The following UTP18 variants were observed in gnomAD, a reference collection of about 807,000 sequenced individuals.
The protein encoded by UTP18 is U3 small nucleolar RNA-associated protein 18 homolog.
In UTP18, 36 loss-of-function variants were observed where a neutral mutation model predicts 61.1. That is an observed-to-expected ratio of 0.59 (90% CI 0.45 to 0.78). UTP18 has a LOEUF of 0.78. Among genes scored for constraint, UTP18 ranks in the 30% least tolerant of loss-of-function variants. The pLI is 0.00. For synonymous variants in UTP18, 282 were observed against 251.1 expected (o/e 1.12, Z -1.16); for missense variants, 753 against 693.9 (o/e 1.09, Z -0.96).
At chr17:51,297,242 C>A (rs1905391183) in intron 13 of UTP18, among the ~76,000 whole-genome samples, 1 of 152,140 alleles carries the variant, frequency 6.6e-6, no homozygotes, top group Non-Finnish European at 1.5e-5. Flanking sequence ...TCTAATGTTG[C>A]ATTCAATAAT....
intron 11 of UTP18, among the ~76,000 whole-genome samples, chr17:51,289,723 C>A (rs932745691): frequency 4.6e-5 from 7 of 152,188 alleles, no homozygotes; most frequent in Non-Finnish European, 1.0e-4. Flanking sequence ...TATGTGTGTA[C>A]TACCAGATTG....
intron 5 of UTP18, among the ~76,000 whole-genome samples, chr17:51,275,605 G>C (rs1164113087): frequency 6.6e-6 from 1 of 152,188 alleles, no homozygotes; most frequent in African/African-American, 2.4e-5. Context: ...CAGACTTCTA[G>C]ATATGGAAAG....
intron 2 of UTP18, among the ~76,000 whole-genome samples, chr17:51,263,840 A>G (rs924808597): frequency 6.6e-6 from 1 of 152,182 alleles, no homozygotes; most frequent in African/African-American, 2.4e-5. Flanking sequence ...CTCACACCAT[A>G]GGAACTGTCA....
chr17:51,260,647 G>GAAGCCC lies in UTP18; in HGVS notation c.64_69dup (p.Lys22_Pro23dup). 6.2e-7 allele frequency: 1 copy of GAAGCCC among 1,612,550 alleles called. No homozygotes were observed. The highest frequency in any genetic ancestry group is 8.5e-7 in the Non-Finnish European group (1 of 1,179,706). ...GGAGAACCGGAGCGAAGCCGAAGCG[G>GAAGCCC]AAGCCCGGAATGAGGCCGGACTGGA... On this transcript the variant is annotated inframe_insertion, in exon 1 of 14. Coordinates refer to ENST00000225298, the MANE Select transcript of UTP18 (RefSeq NM_016001.3).
chr17:51,278,440 A>T (rs887884521), intron 7 of UTP18, among the ~76,000 whole-genome samples: 2 of 152,246 alleles, frequency 1.3e-5, no homozygotes, highest in African/African-American at 4.8e-5. Flanking sequence ...GGATTCTGGC[A>T]TCTCCTTGTC....
chr17:51,267,792 G>A (rs534737520), intron 3 of UTP18, among the ~76,000 whole-genome samples: 68 of 152,024 alleles, frequency 4.5e-4, no homozygotes, highest in Non-Finnish European at 7.4e-4. Context: ...GGTGGTGATG[G>A]GGTTCATCTT....
chr17:51,261,542 C>T (rs2055482924), intron 1 of UTP18, among the ~76,000 whole-genome samples: 1 of 151,992 alleles, frequency 6.6e-6, no homozygotes, highest in Non-Finnish European at 1.5e-5. Context: ...TGAGAGAGTC[C>T]CGGACATTGT....
rs185972745 is a variant in UTP18 at position 51,261,837 on chromosome 17, C to T, written c.342+911C>T. ...GACCTAGTTAATGTCAGCTGCTTAC[C>T]AGAGCCGCCTTCGGGTGCTTGTAGG... On this transcript the variant is annotated intron_variant, in intron 1 of 13. Coordinates refer to ENST00000225298, the MANE Select transcript of UTP18 (RefSeq NM_016001.3). 6.3e-4 allele frequency among the ~76,000 whole-genome samples: 96 copies of T among 152,000 alleles called. 1 individual carries two copies. The East Asian group carries it at 0.018, about 29-fold the overall frequency.
Position 51,272,688 on chromosome 17 carries a change from A to T in UTP18, c.623-674A>T, listed in dbSNP as rs181510163. On this transcript the variant is annotated intron_variant, in intron 4 of 13. Coordinates refer to ENST00000225298, the MANE Select transcript of UTP18 (RefSeq NM_016001.3). ...GAAGCAGAATTTCAGTTTTGGGAAG[A>T]TTTTCTTATAATTCTTTGATTTCGT... Among the ~76,000 whole-genome samples, 37 of 152,194 alleles carry T rather than the reference A, an allele frequency of 2.4e-4. No homozygotes were observed. In the East Asian group the frequency reaches 5.6e-3, roughly 23 times the overall value.
rs201423752 is a variant in UTP18, at chr17:51,268,013, TG to T, written c.555-823del. On this transcript the variant is annotated intron_variant, in intron 3 of 13. Transcript: ENST00000225298. ...TGTTGTTTTTTTGTTTTTTGTTTTT[TG>T]TTTTTTTTTTTTTGAGATGGAGCCT... Among the ~76,000 whole-genome samples, 138 of 146,528 alleles carry T rather than the reference TG, an allele frequency of 9.4e-4. 7 individuals carry two copies. Among genetic ancestry groups the T allele is most frequent in the Non-Finnish European group, 1.6e-3 (110 of 66,890 alleles).
At position 51,277,161 on chromosome 17, in the gene UTP18, G is replaced by C; in HGVS notation, c.869G>C (p.Ser290Thr). The change falls in exon 7 of 14, where the codon AGC becomes ACC. Residue 290 changes from serine (S) to threonine (T), a missense_variant. Physicochemically the swap from Ser to Thr is moderately conservative, Grantham distance 58 (BLOSUM62 1). Coordinates refer to ENST00000225298, the MANE Select transcript of UTP18 (RefSeq NM_016001.3). ...GGGAAAACAAATCCTAAAATTCAGA[G>C]CATCTATTTGGAAAGGTTTCCAATC... Reference protein sequence around the residue: ...VDGKTNPKIQSIYLERFPIFK... With the variant: ...VDGKTNPKIQTIYLERFPIFK... 6.2e-7 allele frequency: 1 copy of C among 1,614,002 alleles called. No individual in the cohort carries two copies.
chr17:51,296,984 T>A lies in UTP18; in HGVS notation c.1666T>A (p.Phe556Ile). Residue 556 changes from phenylalanine (F) to isoleucine (I), a missense_variant, in exon 13 of 14, where the codon TTC becomes ATC. Phe to Ile is a conservative substitution (Grantham distance 21, BLOSUM62 0). Coordinates refer to ENST00000225298, the MANE Select transcript of UTP18 (RefSeq NM_016001.3). ...TTCCAGGTTGCACCATTACTCAGAC[T>A]TCTAAAGAGACTATTTGAAGTAAGA... ...LMYRLHHYSD[F>I] The A allele has an allele frequency of 6.2e-7, 1 of 1,606,554 alleles. No individual in the cohort carries two copies. Among genetic ancestry groups the A allele is most frequent in the South Asian group, 1.1e-5 (1 of 89,832 alleles).
intron 9 of UTP18, among the ~76,000 whole-genome samples, chr17:51,283,827 T>A (rs1444870228): frequency 6.6e-6 from 1 of 151,302 alleles, no homozygotes; most frequent in Non-Finnish European, 1.5e-5. Flanking sequence ...TTTGGCCAGG[T>A]TGGTCTCGAA....
chr17:51,272,199 AG>A (rs1380592421), intron 4 of UTP18, among the ~76,000 whole-genome samples: 2 of 152,042 alleles, frequency 1.3e-5, no homozygotes, highest in Non-Finnish European at 2.9e-5. Context: ...CCTGGGTTCA[AG>A]TGATTCTCTT....
intron 3 of UTP18, among the ~76,000 whole-genome samples, chr17:51,267,269 T>C (rs1396950437): frequency 6.6e-6 from 1 of 152,212 alleles, no homozygotes; most frequent in Non-Finnish European, 1.5e-5. Context: ...AGCCATTACC[T>C]ATCTTTTAAG....
intron 11 of UTP18, chr17:51,288,683 C>T (rs1905173197): frequency 2.2e-6 from 1 of 447,928 alleles, no homozygotes; most frequent in South Asian, 1.6e-5. Flanking sequence ...GTTAGGAATC[C>T]GCAGGACCAC....
intron 9 of UTP18, among the ~76,000 whole-genome samples, chr17:51,281,060 C>T (rs1904901170): frequency 6.6e-6 from 1 of 151,252 alleles, no homozygotes; most frequent in South Asian, 2.1e-4. Context: ...CGCCTGTAAT[C>T]CCAGCTAGTT....
chr17:51,260,552 C>T lies in UTP18; in HGVS notation c.-33C>T. On this transcript the variant is annotated 5_prime_UTR_variant, in exon 1 of 14. The change creates a new upstream start codon in the 5' untranslated region. Transcript: ENST00000225298. Reference sequence around the variant, plus strand: ...TGGGCGCATGCGCAGCGAGGTTCCACGTGAGCGCCTGCGTTTCTCCTCAAA... The same window carrying T: ...TGGGCGCATGCGCAGCGAGGTTCCATGTGAGCGCCTGCGTTTCTCCTCAAA... The T allele has an allele frequency of 6.3e-7, 1 of 1,593,508 alleles. No homozygotes were observed. Among genetic ancestry groups the T allele is most frequent in the South Asian group, 1.1e-5 (1 of 88,580 alleles).
At chr17:51,267,494 C>G (rs1904341319) in intron 3 of UTP18, among the ~76,000 whole-genome samples, 1 of 138,450 alleles carries the variant, frequency 7.2e-6, no homozygotes, top group African/African-American at 2.6e-5. Flanking sequence ...ACATTTTTAT[C>G]ACCTCAAAAG....
Sources: gnomAD v4.1 joint callset for allele counts (sites outside exome capture counted in the v4.1 genomes callset) on GRCh38, gnomAD v4.1.1 for gene constraint, MANE v1.5 for transcripts, NCBI Gene and HGNC (gene_info 2026-07-23, HGNC 2026-07-21) for gene names.